The following BUB1 variants were observed in gnomAD, a reference collection of about 807,000 sequenced individuals.
The protein encoded by BUB1 is mitotic checkpoint serine/threonine-protein kinase BUB1.
In BUB1, 84 loss-of-function variants were observed where a neutral mutation model predicts 135.2. That is an observed-to-expected ratio of 0.62 (90% CI 0.52 to 0.74). BUB1 has a LOEUF of 0.74. Among genes scored for constraint, BUB1 ranks in the 30% least tolerant of loss-of-function variants. BUB1 has a pLI of 0.00. For missense variants in BUB1, 1,162 were observed against 1,288.3 expected (o/e 0.90, Z 1.50); for synonymous variants, 403 against 434.4 (o/e 0.93, Z 0.90).
chr2:110,642,697 T>C (rs1054072347), intron 19 of BUB1: 2 of 152,700 alleles, frequency 1.3e-5, no homozygotes, highest in African/African-American at 4.8e-5. Context: ...GTAGTAGTTT[T>C]TTGTTTGTTC....
intron 16 of BUB1, among the ~76,000 whole-genome samples, chr2:110,654,630 A>C (rs1171063565): frequency 6.8e-6 from 1 of 147,692 alleles, no homozygotes. Context: ...AAAAGGCTTT[A>C]ATCTTTTTTT....
chr2:110,653,821 T>C (rs559344119), intron 16 of BUB1, among the ~76,000 whole-genome samples: 7 of 152,058 alleles, frequency 4.6e-5, no homozygotes, highest in Admixed American at 4.6e-4. Flanking sequence ...CTGAGCAACA[T>C]AGTGAGACCC....
chr2:110,650,578 T>C lies in BUB1; in HGVS notation c.2171A>G (p.Gln724Arg), dbSNP rs1689757837. The C allele has an allele frequency of 6.2e-7, 1 of 1,613,884 alleles. No homozygotes were observed. Among genetic ancestry groups the C allele is most frequent in the Non-Finnish European group, 8.5e-7 (1 of 1,179,932 alleles). Residue 724 changes from glutamine to arginine, a missense_variant, in exon 18 of 25, where the codon CAG becomes CGG. Physicochemically the swap from Gln to Arg is conservative, Grantham distance 43. Coordinates refer to ENST00000302759, the MANE Select transcript of BUB1 (RefSeq NM_004336.5). Reference protein sequence around the residue: ...AIAGLQAEWMQMSSLGTVDAP... With the variant: ...AIAGLQAEWMRMSSLGTVDAP... ...ATCAACAGTCCCAAGTGAACTCATC[T>C]GCATCCATTCTGCTTGGAGCCCAGC...
Position 110,674,332 on chromosome 2 carries a change from G to A in BUB1, c.60C>T (p.Gly20=), listed in dbSNP as rs1167761031. The change falls in exon 2 of 25, where the codon GGC becomes GGT. Residue 20 remains glycine (G), a synonymous_variant. Coordinates refer to ENST00000302759, the MANE Select transcript of BUB1 (RefSeq NM_004336.5). ...MLEAHMQSYK[G]NDPLGEWERY... is the part of the protein sequence containing the mutation. ...TTTCCCATTCACCAAGAGGGTCATT[G>A]CCCTTGTAGCTCTGCATGTGGGCTT... The A allele has an allele frequency of 1.2e-6, 2 of 1,614,022 alleles. No homozygotes were observed. The highest frequency in any genetic ancestry group is 2.2e-5 in the South Asian group (2 of 91,078).
At chr2:110,652,769 C>T (rs528436898) in intron 17 of BUB1, among the ~76,000 whole-genome samples, 1 of 152,308 alleles carries the variant, frequency 6.6e-6, no homozygotes, top group South Asian at 2.1e-4. Context: ...CAATTTCATA[C>T]ACTGCTATTT....
rs1253640743 is a variant in BUB1, at chr2:110,650,645, CTG to C, written c.2102_2103del (p.Thr701ArgfsTer3). The C allele has an allele frequency of 1.2e-6, 2 of 1,613,990 alleles. No homozygotes were observed. Among genetic ancestry groups the C allele is most frequent in the Non-Finnish European group, 1.7e-6 (2 of 1,179,978 alleles). On this transcript the variant is annotated frameshift_variant, in exon 18 of 25. Transcript: ENST00000302759. LOFTEE classifies it high-confidence loss of function. ...AELGVEACRL[T>X]DTDAAIAEDP... is the part of the protein sequence containing the mutation. The stretch of plus-strand genomic sequence containing the variant: ...TCTTCTGCAATGGCAGCGTCAGTGT[CTG>C]TGAGTCTGCAAGCCTCAACGCCCAA...
At position 110,661,815 on chromosome 2, in the gene BUB1, A is replaced by C. The variant is rs763856840; in HGVS notation, c.984T>G (p.Ser328Arg). 1 of 1,614,206 alleles carries C rather than the reference A, an allele frequency of 6.2e-7. No homozygotes were observed. Among genetic ancestry groups the C allele is most frequent in the Non-Finnish European group, 8.5e-7 (1 of 1,180,048 alleles). The change falls in exon 10 of 25, where the codon AGT becomes AGG. Residue 328 changes from serine to arginine, a missense_variant. Physicochemically the swap from Ser to Arg is moderately radical, Grantham distance 110. Coordinates refer to ENST00000302759, the MANE Select transcript of BUB1 (RefSeq NM_004336.5). ...CTCTCAGTTCCTGCTGGGAGCCTAC[A>C]CTTGGCCCCATACGTGCTGGATTAA... ...SEVNPARMGP[S>R]VGSQQELRAP...
chr2:110,663,511 T>G (rs546981292), intron 9 of BUB1, among the ~76,000 whole-genome samples: 1 of 152,152 alleles, frequency 6.6e-6, no homozygotes, highest in East Asian at 1.9e-4. Flanking sequence ...ACAGAGAAGT[T>G]TGAAAAAGGG....
intron 10 of BUB1, 91 bp from the exon 11 acceptor site, chr2:110,660,127 T>A (rs1690041067): frequency 5.5e-6 from 6 of 1,093,306 alleles, no homozygotes; most frequent in Non-Finnish European, 6.8e-6. Flanking sequence ...ATCCCAGCAC[T>A]TTGGGAGGCC....
chr2:110,673,362 G>C (rs578071771), intron 3 of BUB1, among the ~76,000 whole-genome samples: 10 of 152,300 alleles, frequency 6.6e-5, no homozygotes, highest in African/African-American at 2.2e-4. Context: ...CTCAGACCCA[G>C]GGAGAGGGTT....
At chr2:110,647,543 A>G (rs1433346355) in intron 19 of BUB1, among the ~76,000 whole-genome samples, 1 of 151,822 alleles carries the variant, frequency 6.6e-6, no homozygotes, top group Non-Finnish European at 1.5e-5. Flanking sequence ...AAAATCCAAC[A>G]CCCACTTATG....
chr2:110,670,957 AAAGTACTT>A (rs1282813706), intron 4 of BUB1, among the ~76,000 whole-genome samples: 8 of 152,232 alleles, frequency 5.3e-5, no homozygotes, highest in Non-Finnish European at 1.5e-5. Context: ...TGAAAGTACA[AAAGTACTT>A]AGATTACTGC....
intron 6 of BUB1, among the ~76,000 whole-genome samples, chr2:110,668,616 G>A (rs1301279806): frequency 2.0e-5 from 3 of 152,170 alleles, no homozygotes; most frequent in Non-Finnish European, 2.9e-5. Flanking sequence ...ACATAGTTGG[G>A]AAACATGAGG....
At chr2:110,677,831 G>C in intron 1 of BUB1, 139 bp downstream of exon 1, 2 of 1,009,378 alleles carry the variant, frequency 2.0e-6, no homozygotes, top group Non-Finnish European at 2.8e-6. Flanking sequence ...AGCAGCCCAC[G>C]GCCTTGCTGG....
Position 110,641,657 on chromosome 2 carries a change from G to C in BUB1, c.2610C>G (p.Ser870Arg). ...NGSVLVGELY[S>R]YGTLLNAINL... ...GAATACTTACTAATAATGTTCCATA[G>C]CTGTAGAGCTCTCCTACTAATACAC... The change falls in exon 21 of 25, where the codon AGC becomes AGG. Residue 870 changes from serine to arginine, a missense_variant. Coordinates refer to ENST00000302759, the MANE Select transcript of BUB1 (RefSeq NM_004336.5). 6.2e-7 allele frequency: 1 copy of C among 1,612,236 alleles called. No homozygotes were observed. Among genetic ancestry groups the C allele is most frequent in the Non-Finnish European group, 8.5e-7 (1 of 1,179,660 alleles).
rs1187033319 is a variant in BUB1, at chr2:110,661,644, A to G, written c.1155T>C (p.Pro385=). Residue 385 remains proline (P), a synonymous_variant, in exon 10 of 25, where the codon CCT becomes CCC. Coordinates refer to ENST00000302759, the MANE Select transcript of BUB1 (RefSeq NM_004336.5). The part of the protein sequence containing the change: ...SPATSQSIAP[P]VPLKAQTVTD... ...TTACTGTCTGGGCTTTCAAAGGAAC[A>G]GGAGGAGCAATGCTCTGGCTGGTGG... 3 of 1,614,082 alleles carry G rather than the reference A, an allele frequency of 1.9e-6. No homozygotes were observed. The highest frequency in any genetic ancestry group is 1.3e-5 in the African/African-American group (1 of 74,928).
intron 17 of BUB1, 95 bp downstream of exon 17, chr2:110,653,341 A>G (rs1574321921): frequency 4.6e-6 from 6 of 1,303,564 alleles, no homozygotes; most frequent in African/African-American, 1.5e-5. Context: ...TAGGTATTCT[A>G]TTACAGCCTA....
chr2:110,639,072 CA>C (rs537700690), intron 24 of BUB1, among the ~76,000 whole-genome samples: 4 of 151,600 alleles, frequency 2.6e-5, no homozygotes, highest in African/African-American at 9.7e-5. Context: ...TTTTATGCCT[CA>C]AAAAAGAAAG....
chr2:110,650,468 G>A lies in BUB1; in HGVS notation c.2203+78C>T, dbSNP rs1459194196. The A allele has an allele frequency of 2.2e-6, 3 of 1,368,604 alleles. No homozygotes were observed. The Admixed American group carries it at 5.2e-5, about 24-fold the overall frequency. The allele number at this position is 1,368,604 out of a possible 1,614,324, so 84.8% of individuals were successfully genotyped here. A position where few individuals can be genotyped will look rare whatever the true frequency, so the allele number is the denominator to read the frequency against. On this transcript the variant is annotated intron_variant, in intron 18 of 24. Transcript: ENST00000302759. ...TACTCAGTGACATTCAAGTCCCACT[G>A]TGGGTTTCTTTCATGGGACAGCTTT...
Sources: gnomAD v4.1 joint callset for allele counts (sites outside exome capture counted in the v4.1 genomes callset) on GRCh38, gnomAD v4.1.1 for gene constraint, MANE v1.5 for transcripts, NCBI Gene and HGNC (gene_info 2026-07-23, HGNC 2026-07-21) for gene names.